HEMK2: variants seen among roughly 807,000 people sequenced by gnomAD.
The protein encoded by HEMK2 is methyltransferase HEMK2.
chr21:28,636,443 C>A, the HEMK2 span, among the ~76,000 whole-genome samples: 1 of 152,116 alleles, frequency 6.6e-6, no homozygotes, highest in Non-Finnish European at 1.5e-5. Flanking sequence ...CACTTTTTAA[C>A]GTAAAACCAT....
the HEMK2 span, among the ~76,000 whole-genome samples, chr21:28,688,629 T>C: frequency 6.6e-6 from 1 of 151,962 alleles, no homozygotes; most frequent in East Asian, 1.9e-4. Context: ...AGTAAGTTGA[T>C]ACAAAAATAT....
chr21:28,598,572 C>T, the HEMK2 span, among the ~76,000 whole-genome samples: 2 of 152,200 alleles, frequency 1.3e-5, no homozygotes, highest in Admixed American at 6.5e-5. Flanking sequence ...TTGCCTCATG[C>T]ACCTTTTCTC....
the HEMK2 span, among the ~76,000 whole-genome samples, chr21:28,791,961 C>A: frequency 6.6e-6 from 1 of 152,128 alleles, no homozygotes; most frequent in East Asian, 1.9e-4. Flanking sequence ...AGAAAGCCCA[C>A]CAAAGATGGT....
the HEMK2 span, among the ~76,000 whole-genome samples, chr21:28,703,612 G>A: frequency 1.3e-5 from 2 of 152,202 alleles, no homozygotes; most frequent in Admixed American, 1.3e-4. Context: ...TATGGATAAA[G>A]ACAGGCTGAA....
the HEMK2 span, among the ~76,000 whole-genome samples, chr21:28,786,412 T>C: frequency 6.6e-6 from 1 of 152,256 alleles, no homozygotes; most frequent in Admixed American, 6.5e-5. Context: ...GGCTCATGCC[T>C]GTAATCCCAG....
chr21:28,855,858 C>G, the HEMK2 span, among the ~76,000 whole-genome samples: 9 of 152,088 alleles, frequency 5.9e-5, no homozygotes, highest in Non-Finnish European at 1.3e-4. Flanking sequence ...TGGGACACAG[C>G]TAAAGCAGTG....
the HEMK2 span, among the ~76,000 whole-genome samples, chr21:28,771,542 T>C: frequency 4.2e-5 from 5 of 120,416 alleles, no homozygotes; most frequent in Non-Finnish European, 7.0e-5. Flanking sequence ...AAGAATTGCC[T>C]ACTCCAAAAT....
At chr21:28,733,704 T>G in the HEMK2 span, among the ~76,000 whole-genome samples, 1 of 151,896 alleles carries the variant, frequency 6.6e-6, no homozygotes, top group Non-Finnish European at 1.5e-5. Flanking sequence ...GGTAGCCTGA[T>G]TGCCACCCTT....
the HEMK2 span, among the ~76,000 whole-genome samples, chr21:28,863,097 G>A: frequency 6.6e-6 from 1 of 152,004 alleles, no homozygotes; most frequent in African/African-American, 2.4e-5. Context: ...TGTCTCTGAG[G>A]GTGTTGCCAA....
the HEMK2 span, among the ~76,000 whole-genome samples, chr21:28,770,174 T>TA: frequency 1.3e-5 from 2 of 152,150 alleles, no homozygotes; most frequent in Non-Finnish European, 2.9e-5. Flanking sequence ...CACAAGGAAG[T>TA]AGAGTTTGGG....
At chr21:28,576,822 TGTCTCCACCTCTCGA>T in the HEMK2 span, among the ~76,000 whole-genome samples, 1 of 152,262 alleles carries the variant, frequency 6.6e-6, no homozygotes, top group East Asian at 1.9e-4. Flanking sequence ...GCAATTCCCC[TGTCTCCACCTCTCGA>T]GTAGCTGGGA....
At chr21:28,658,239 A>G in the HEMK2 span, among the ~76,000 whole-genome samples, 2 of 152,068 alleles carry the variant, frequency 1.3e-5, no homozygotes, top group African/African-American at 4.8e-5. Context: ...TTTTGTAACT[A>G]GGATACTAAT....
the HEMK2 span, among the ~76,000 whole-genome samples, chr21:28,796,205 G>T: frequency 2.6e-5 from 4 of 152,156 alleles, no homozygotes; most frequent in African/African-American, 9.7e-5. Flanking sequence ...CGCTGTCTCA[G>T]CTCACAGCAA....
the HEMK2 span, among the ~76,000 whole-genome samples, chr21:28,867,362 TTATAAAAATCTTTTTATAATC>T: frequency 6.6e-6 from 1 of 152,124 alleles, no homozygotes; most frequent in East Asian, 1.9e-4. Context: ...TTTGAGACAT[TTATAAAAATCTTTTTATAATC>T]TATAAAAAAA....
chr21:28,730,268 C>T, the HEMK2 span, among the ~76,000 whole-genome samples: 5 of 151,544 alleles, frequency 3.3e-5, no homozygotes, highest in South Asian at 4.1e-4. Context: ...GTAGTCACAG[C>T]TACTCAGGAG....
At chr21:28,681,211 A>G in the HEMK2 span, among the ~76,000 whole-genome samples, 1 of 152,246 alleles carries the variant, frequency 6.6e-6, no homozygotes, top group African/African-American at 2.4e-5. Flanking sequence ...AAGTCTCAGG[A>G]TACAAAATCA....
At chr21:28,780,555 C>G in the HEMK2 span, among the ~76,000 whole-genome samples, 66 of 152,028 alleles carry the variant, frequency 4.3e-4, no homozygotes, top group Admixed American at 1.7e-3. Context: ...TCATGATCTG[C>G]CCGCCTTGGC....
the HEMK2 span, among the ~76,000 whole-genome samples, chr21:28,739,416 T>C: frequency 1.3e-5 from 2 of 152,214 alleles, no homozygotes; most frequent in African/African-American, 4.8e-5. Context: ...GAACTAAATA[T>C]AATATGGTAT....
chr21:28,626,533 TAAG>T, the HEMK2 span: 1 of 152,050 alleles, frequency 6.6e-6, no homozygotes, highest in East Asian at 1.9e-4. Flanking sequence ...TCAATAATAA[TAAG>T]ACAAACAATG....
Sources: allele counts gnomAD v4.1 joint callset (sites outside exome capture counted in the v4.1 genomes callset), GRCh38; gene constraint gnomAD v4.1.1; transcripts MANE v1.5; gene names NCBI Gene and HGNC (gene_info 2026-07-23, HGNC 2026-07-21).